ITPR1: variants seen among roughly 807,000 people sequenced by gnomAD.
ITPR1 encodes inositol 1,4,5-trisphosphate receptor type 1, also known as inositol 1,4,5-trisphosphate-gated calcium channel ITPR1.
A neutral mutation model predicts 318.4 loss-of-function variants in ITPR1; 96 were observed. The ratio of observed to expected loss-of-function variants is 0.30; its 90% CI spans 0.26 to 0.36. ITPR1 has a LOEUF of 0.36. Ranked by LOEUF, ITPR1 falls within the 10% of genes least tolerant of loss-of-function variation. The pLI, the probability that ITPR1 is intolerant of heterozygous loss-of-function variation, is 1.00. For missense variants in ITPR1, 2,440 were observed against 3,460.2 expected (o/e 0.71, Z 7.40); for synonymous variants, 1,312 against 1,289.9 (o/e 1.02, Z -0.37).
chr3:4,534,475 G>C (rs1250210396), intron 4 of ITPR1, among the ~76,000 whole-genome samples: 2 of 152,136 alleles, frequency 1.3e-5, no homozygotes, highest in Non-Finnish European at 2.9e-5. Flanking sequence ...GTGGAGAGGG[G>C]CTATAGGTGT....
At chr3:4,539,820 G>A (rs928318383) in intron 4 of ITPR1, among the ~76,000 whole-genome samples, 2 of 152,084 alleles carry the variant, frequency 1.3e-5, no homozygotes, top group African/African-American at 2.4e-5. Context: ...CTGTGCTGCC[G>A]AGGGACTCTT....
intron 4 of ITPR1, among the ~76,000 whole-genome samples, chr3:4,610,844 T>TTTCCCTTTCCTG (rs1216758845): frequency 6.7e-6 from 1 of 148,224 alleles, no homozygotes; most frequent in Non-Finnish European, 1.5e-5. Context: ...TCCCTTTCTC[T>TTTCCCTTTCCTG]TTCCCTTTCC....
intron 45 of ITPR1, 140 bp downstream of exon 45, chr3:4,766,850 T>C (rs1234234304): frequency 3.1e-6 from 2 of 638,862 alleles, no homozygotes; most frequent in Non-Finnish European, 5.1e-6. Context: ...CTGGTTATGA[T>C]GTAATTCTTC....
chr3:4,683,695 T>G lies in ITPR1; in HGVS notation c.3395T>G (p.Leu1132Arg). ...YKQIKQDLDQLRSIVEKSELW... is the reference protein window; with the variant it reads ...YKQIKQDLDQRRSIVEKSELW... ...CAGATCAAACAAGACTTGGATCAAC[T>G]GAGGTCCATCGTGGAAAAGTCAGAG... Residue 1132 changes from leucine (L) to arginine (R), a missense_variant, in exon 28 of 62, where the codon CTG becomes CGG. Leu to Arg is a moderately radical substitution (Grantham distance 102). Around this residue, in one of 23 missense-constraint regions of ITPR1, gnomAD observed 76 missense variants for 132.2 expected, o/e 0.58. Transcript: ENST00000649015. 1 of 1,614,026 alleles carries G rather than the reference T, an allele frequency of 6.2e-7. No homozygotes were observed. Among genetic ancestry groups the G allele is most frequent in the South Asian group, 1.1e-5 (1 of 91,084 alleles).
Position 4,502,168 on chromosome 3 carries a change from C to T in ITPR1, c.-17+7662C>T, listed in dbSNP as rs1319697048. Among the ~76,000 whole-genome samples the T allele has an allele frequency of 2.6e-5, 4 of 152,178 alleles. No homozygotes were observed. The East Asian group carries it at 7.7e-4, about 29-fold the overall frequency. ...GTGTGTATGTTGTACCTCATGTGTC[C>T]CTCCCCACCCCCGTCTGTCCACCTC... On this transcript the variant is annotated intron_variant, in intron 2 of 61. Transcript: ENST00000649015.
chr3:4,629,859 C>T (rs1317401168), intron 5 of ITPR1, among the ~76,000 whole-genome samples: 1 of 152,040 alleles, frequency 6.6e-6, no homozygotes, highest in Non-Finnish European at 1.5e-5. Flanking sequence ...TCGGAGGCAC[C>T]CATGGGATTT....
chr3:4,626,779 G>A (rs1348049947), intron 4 of ITPR1, among the ~76,000 whole-genome samples: 1 of 152,096 alleles, frequency 6.6e-6, no homozygotes, highest in Non-Finnish European at 1.5e-5. Flanking sequence ...CAGTACTCAA[G>A]AGACCACTGC....
chr3:4,583,818 G>C (rs1461010872), intron 4 of ITPR1, among the ~76,000 whole-genome samples: 1 of 152,188 alleles, frequency 6.6e-6, no homozygotes, highest in Non-Finnish European at 1.5e-5. Context: ...GTACCCTGAA[G>C]AATTCTCACC....
intron 4 of ITPR1, among the ~76,000 whole-genome samples, chr3:4,535,588 G>C (rs2083797522): frequency 6.6e-6 from 1 of 151,502 alleles, no homozygotes; most frequent in Non-Finnish European, 1.5e-5. Context: ...GACTACAGGT[G>C]CCTGCCACCA....
intron 44 of ITPR1, among the ~76,000 whole-genome samples, chr3:4,754,122 A>T (rs1408525636): frequency 6.6e-6 from 1 of 151,222 alleles, no homozygotes; most frequent in East Asian, 1.9e-4. Flanking sequence ...ACCTCGGAGC[A>T]TTGAGGACAG....
chr3:4,519,267 G>T (rs763172762), intron 3 of ITPR1, among the ~76,000 whole-genome samples: 5 of 151,584 alleles, frequency 3.3e-5, no homozygotes, highest in Non-Finnish European at 5.9e-5. Flanking sequence ...TCACTCTGTC[G>T]CCAGGCTGGA....
chr3:4,674,335 A>T lies in ITPR1; in HGVS notation c.2590A>T (p.Thr864Ser). 6 of 1,606,646 alleles carry T rather than the reference A, an allele frequency of 3.7e-6. No individual in the cohort carries two copies. Among genetic ancestry groups the T allele is most frequent in the Non-Finnish European group, 5.1e-6 (6 of 1,176,498 alleles). Reference sequence around the variant, plus strand: ...CTCTGATAAAGAGAAGAATAAGCTTACGTTTGAGGTAACTCATGATGAAAT... The same window carrying T: ...CTCTGATAAAGAGAAGAATAAGCTTTCGTTTGAGGTAACTCATGATGAAAT... ...PFSDKEKNKL[T>S]FEVVNLARNL... The change falls in exon 22 of 62, where the codon ACG (threonine) becomes TCG (serine). Residue 864 changes from threonine (T) to serine (S), a missense_variant. Transcript: ENST00000649015.
rs991663011 is a variant in ITPR1, at chr3:4,598,161, C to T, written c.164-29602C>T. ...CAGTTAAAATTTGTACCATCCTTCC[C>T]CTCTCCCCTGGTTGAAAGGAAGCAA... On this transcript the variant is annotated intron_variant, in intron 4 of 61. Transcript: ENST00000649015. Among the ~76,000 whole-genome samples, 6 of 152,310 alleles carry T rather than the reference C, an allele frequency of 3.9e-5. No homozygotes were observed. In the South Asian group the frequency reaches 8.3e-4, roughly 21 times the overall value.
chr3:4,568,221 A>G (rs1325208459), intron 4 of ITPR1, among the ~76,000 whole-genome samples: 1 of 152,152 alleles, frequency 6.6e-6, no homozygotes, highest in Non-Finnish European at 1.5e-5. Context: ...CAGAAGACAA[A>G]ATTAAAAACT....
intron 44 of ITPR1, among the ~76,000 whole-genome samples, chr3:4,753,167 C>T (rs957645554): frequency 1.2e-4 from 19 of 152,138 alleles, no homozygotes; most frequent in South Asian, 2.1e-4. Flanking sequence ...AGGAAGCTAA[C>T]GCGGTCTACC....
At chr3:4,540,960 GTT>G (rs112368874) in intron 4 of ITPR1, among the ~76,000 whole-genome samples, 1 of 150,886 alleles carries the variant, frequency 6.6e-6, no homozygotes, top group African/African-American at 2.4e-5. Context: ...CTTTATATGT[GTT>G]TTTTTTTAAT....
At chr3:4,731,097 T>A (rs906316513) in intron 42 of ITPR1, among the ~76,000 whole-genome samples, 4 of 152,252 alleles carry the variant, frequency 2.6e-5, no homozygotes, top group Non-Finnish European at 4.4e-5. Context: ...ATTTAATCTA[T>A]CATATTCAAC....
intron 55 of ITPR1, among the ~76,000 whole-genome samples, chr3:4,808,376 G>A (rs535668053): frequency 6.6e-6 from 1 of 152,226 alleles, no homozygotes; most frequent in South Asian, 2.1e-4. Context: ...TTTTATTCAA[G>A]CATGTGAAAA....
rs1219936003 is a variant in ITPR1, at chr3:4,684,335, G to A, written c.3553G>A (p.Val1185Met). ...HESTSSYNYR[V>M]VKEILIRLSK... ...AAGCACCAGCAGCTACAACTACAGA[G>A]TGGTCAAAGAGGTAAGCTCCTCCCC... Residue 1185 changes from valine (V) to methionine (M), a missense_variant, in exon 29 of 62, where the codon GTG becomes ATG. Around this residue, in one of 23 missense-constraint regions of ITPR1, gnomAD observed 86 missense variants for 75.6 expected, o/e 1.14. Transcript: ENST00000649015. 6.2e-7 allele frequency: 1 copy of A among 1,612,186 alleles called. No individual in the cohort carries two copies. Among genetic ancestry groups the A allele is most frequent in the Non-Finnish European group, 8.5e-7 (1 of 1,178,654 alleles).
Sources: allele counts gnomAD v4.1 joint callset (sites outside exome capture counted in the v4.1 genomes callset), GRCh38; gene constraint gnomAD v4.1.1; regional missense constraint gnomAD v4.1.1; transcripts MANE v1.5; gene names NCBI Gene and HGNC (gene_info 2026-07-23, HGNC 2026-07-21).